GRID2: variants seen among roughly 807,000 people sequenced by gnomAD.
GRID2 encodes the protein glutamate ionotropic receptor delta type subunit 2.
GRID2 carries 33 observed loss-of-function variants against 114.8 expected under a neutral mutation model. The observed-to-expected ratio is 0.29, with a 90% CI of 0.22 to 0.38. The LOEUF (loss-of-function observed/expected upper bound fraction) is 0.38, where lower values mean the gene tolerates loss of function less well. GRID2 is among the 10% of genes least tolerant of loss of function. The pLI, the probability that GRID2 is intolerant of heterozygous loss-of-function variation, is 1.00. For missense variants in GRID2, 1,184 were observed against 1,257.7 expected, an observed-to-expected ratio of 0.94 and a Z score of 0.89; for synonymous variants, 505 against 449.9, an observed-to-expected ratio of 1.12 and a Z score of -1.55.
intron 2 of GRID2, among the ~76,000 whole-genome samples, chr4:92,699,181 G>C (rs1298985494): frequency 1.3e-5 from 2 of 152,102 alleles, no homozygotes; most frequent in Non-Finnish European, 2.9e-5. Flanking sequence ...ACCAATTTCT[G>C]TGTATTCTTT....
chr4:93,698,623 G>C (rs115677744), intron 14 of GRID2, among the ~76,000 whole-genome samples: 2,111 of 151,952 alleles, frequency 0.014, 46 homozygotes, highest in African/African-American at 0.048. Context: ...TTAATAACTG[G>C]CTGGCATTAT....
chr4:92,464,827 CA>C (rs1168448841), intron 1 of GRID2, among the ~76,000 whole-genome samples: 1 of 152,098 alleles, frequency 6.6e-6, no homozygotes, highest in Non-Finnish European at 1.5e-5. Context: ...TCTGTGTCCC[CA>C]CCCAAATCTC....
chr4:92,808,357 G>C (rs112901188), intron 2 of GRID2, among the ~76,000 whole-genome samples: 3 of 152,062 alleles, frequency 2.0e-5, no homozygotes, highest in African/African-American at 7.2e-5. Flanking sequence ...TAGTAAAAAA[G>C]TCAAACATTT....
intron 2 of GRID2, among the ~76,000 whole-genome samples, chr4:92,671,017 T>A (rs1183669745): frequency 6.6e-6 from 1 of 152,130 alleles, no homozygotes; most frequent in East Asian, 1.9e-4. Context: ...CTAACTGTAT[T>A]AGTCTGTTCT....
chr4:93,630,002 G>A (rs953117812), intron 14 of GRID2, among the ~76,000 whole-genome samples: 5 of 152,084 alleles, frequency 3.3e-5, no homozygotes, highest in Admixed American at 6.6e-5. Flanking sequence ...ATTCAGGTTC[G>A]GAGACATGGG....
intron 8 of GRID2, among the ~76,000 whole-genome samples, chr4:93,309,248 A>G (rs1222831549): frequency 6.6e-6 from 1 of 152,134 alleles, no homozygotes; most frequent in Admixed American, 6.5e-5. Context: ...AGAATTAATG[A>G]ATGAGGCAGG....
At chr4:93,125,418 A>G (rs1328957919) in intron 4 of GRID2, among the ~76,000 whole-genome samples, 2 of 152,012 alleles carry the variant, frequency 1.3e-5, no homozygotes, top group African/African-American at 4.8e-5. Context: ...ATAAAATAAT[A>G]TCTGCTATTC....
intron 2 of GRID2, among the ~76,000 whole-genome samples, chr4:93,083,523 C>T (rs1195890523): frequency 6.6e-6 from 1 of 151,678 alleles, no homozygotes; most frequent in African/African-American, 2.4e-5. Flanking sequence ...GAAACTCCGT[C>T]TCTACTAAAA....
chr4:92,362,124 G>C (rs1728646640), intron 1 of GRID2, among the ~76,000 whole-genome samples: 1 of 152,014 alleles, frequency 6.6e-6, no homozygotes, highest in South Asian at 2.1e-4. Flanking sequence ...CTTCACAGTA[G>C]TTATCATAGG....
intron 1 of GRID2, among the ~76,000 whole-genome samples, chr4:92,411,525 AC>A (rs1224691005): frequency 6.6e-6 from 1 of 151,088 alleles, no homozygotes; most frequent in Non-Finnish European, 1.5e-5. Flanking sequence ...TAATAAATTC[AC>A]TTTTTAAACT....
At chr4:92,574,808 A>C (rs564000377) in intron 1 of GRID2, among the ~76,000 whole-genome samples, 1 of 152,090 alleles carries the variant, frequency 6.6e-6, no homozygotes, top group South Asian at 2.1e-4. Flanking sequence ...CTTGGGGATG[A>C]TCTTCTCATG....
intron 1 of GRID2, among the ~76,000 whole-genome samples, chr4:92,456,269 T>C (rs1721211618): frequency 6.6e-6 from 1 of 152,070 alleles, no homozygotes; most frequent in African/African-American, 2.4e-5. Context: ...ACAATATATA[T>C]TAGGAACTAA....
At chr4:92,689,099 G>GGC (rs1334066126) in intron 2 of GRID2, among the ~76,000 whole-genome samples, 1 of 151,996 alleles carries the variant, frequency 6.6e-6, no homozygotes, top group African/African-American at 2.4e-5. Context: ...CTCAACAGTG[G>GGC]GCCTAAAATA....
chr4:93,794,564 G>A (rs915660289), intron 1 of GRID2, among the ~76,000 whole-genome samples: 1 of 152,108 alleles, frequency 6.6e-6, no homozygotes, highest in Non-Finnish European at 1.5e-5. Context: ...CCGAGGATGG[G>A]GGTCGTGCAG....
intron 3 of GRID2, among the ~76,000 whole-genome samples, chr4:93,090,158 C>T (rs964405082): frequency 1.6e-4 from 25 of 152,154 alleles, no homozygotes; most frequent in Admixed American, 1.0e-3. Flanking sequence ...GTGGGGATTG[C>T]GATCAAATCC....
At chr4:92,813,227 G>A (rs1226703440) in intron 2 of GRID2, among the ~76,000 whole-genome samples, 1 of 152,028 alleles carries the variant, frequency 6.6e-6, no homozygotes, top group African/African-American at 2.4e-5. Context: ...CCATAGACTG[G>A]GATGCTTAAA....
In GRID2 at chr4:92,462,591, T is replaced by TA. The variant is rs572454292; in HGVS notation, c.89-127533dup. 1.1e-4 allele frequency among the ~76,000 whole-genome samples: 16 copies of TA among 152,050 alleles called. No individual in the cohort carries two copies. The South Asian group carries it at 1.9e-3, about 18-fold the overall frequency. Reference sequence around the variant, plus strand: ...CAACTCAAGCAGAATTGATTAAGGATAAAAAAATGGCTTGCTATTTATGGA... The same window carrying TA: ...CAACTCAAGCAGAATTGATTAAGGATAAAAAAAATGGCTTGCTATTTATGGA... On this transcript the variant is annotated intron_variant, in intron 1 of 15. Transcript: ENST00000282020.
chr4:93,654,407 G>C (rs747163501), intron 14 of GRID2, among the ~76,000 whole-genome samples: 1 of 152,146 alleles, frequency 6.6e-6, no homozygotes, highest in Non-Finnish European at 1.5e-5. Flanking sequence ...TACTTTGACT[G>C]CTCAGCTAAA....
chr4:92,601,444 A>G (rs1272224599), intron 2 of GRID2, among the ~76,000 whole-genome samples: 1 of 152,232 alleles, frequency 6.6e-6, no homozygotes. Context: ...TGGATAAATC[A>G]TGAAATCAAG....
Sources: gnomAD v4.1 joint callset for allele counts (sites outside exome capture counted in the v4.1 genomes callset) on GRCh38, gnomAD v4.1.1 for gene constraint, MANE v1.5 for transcripts, NCBI Gene and HGNC (gene_info 2026-07-23, HGNC 2026-07-21) for gene names.